The following SGCD variants were observed in gnomAD, a reference collection of about 807,000 sequenced individuals.
SGCD encodes sarcoglycan delta.
SGCD carries 18 observed loss-of-function variants against 36.6 expected under a neutral mutation model. That is an observed-to-expected ratio of 0.49 (90% confidence interval 0.34 to 0.73). SGCD has a LOEUF of 0.73. SGCD is among the 30% of genes least tolerant of loss of function. The pLI, the probability that SGCD is intolerant of heterozygous loss-of-function variation, is 0.01. For synonymous variants in SGCD, 133 were observed against 130.6 expected, an observed-to-expected ratio of 1.02 and a Z score of -0.12; for missense variants, 387 against 346.7, an observed-to-expected ratio of 1.12 and a Z score of -0.92.
At chr5:156,383,643 A>G (rs890169591) in intron 3 of SGCD, among the ~76,000 whole-genome samples, 31 of 152,260 alleles carry the variant, frequency 2.0e-4, no homozygotes, top group African/African-American at 7.0e-4. Context: ...TCTTGCTTAT[A>G]AAAGGGAATT....
rs886060320 is a variant in SGCD, at chr5:156,766,609, G to C, written c.*7219G>C. The C allele has an allele frequency of 1.6e-4, 24 of 148,632 alleles. No individual in the cohort carries two copies. The highest frequency in any genetic ancestry group is 1.6e-3 in the Admixed American group (23 of 14,680). 9.2% of individuals were successfully genotyped at this position (148,632 alleles called of 1,614,324 possible). ...AGATTCAGCAATGAGGTTTGGTGGTGTTTCAACTAGGAAGGGAGAAAATGA... is the reference window on the plus strand; with the variant it reads ...AGATTCAGCAATGAGGTTTGGTGGTCTTTCAACTAGGAAGGGAGAAAATGA... On this transcript the variant is annotated 3_prime_UTR_variant, in exon 9 of 9. Coordinates refer to ENST00000337851, the MANE Select transcript of SGCD (RefSeq NM_000337.6).
intron 7 of SGCD, among the ~76,000 whole-genome samples, chr5:156,692,442 G>A (rs1316457936): frequency 6.6e-6 from 1 of 152,156 alleles, no homozygotes; most frequent in Non-Finnish European, 1.5e-5. Flanking sequence ...GCCAGCTGAA[G>A]ATCTAACTCT....
Position 156,361,194 on chromosome 5 carries a change from G to T in SGCD, c.192+16517G>T, listed in dbSNP as rs150085047. Among the ~76,000 whole-genome samples the T allele has an allele frequency of 7.4e-4, 112 of 152,308 alleles. 1 individual carries two copies. The highest frequency in any genetic ancestry group is 2.6e-3 in the African/African-American group (108 of 41,570). ...CATGCGCTCCCTCCTGCAAGGGGTT[G>T]AGCACAGTGGGCAAGCCAAATAATA... On this transcript the variant is annotated intron_variant, in intron 3 of 8. Coordinates refer to ENST00000337851, the MANE Select transcript of SGCD (RefSeq NM_000337.6).
intron 1 of SGCD, among the ~76,000 whole-genome samples, chr5:155,972,234 A>G (rs1416850015): frequency 6.6e-6 from 1 of 152,194 alleles, no homozygotes; most frequent in Non-Finnish European, 1.5e-5. Context: ...TGTACACTGC[A>G]TAGTGAATTT....
intron 3 of SGCD, among the ~76,000 whole-genome samples, chr5:156,268,813 C>T (rs556783828): frequency 3.3e-5 from 5 of 152,238 alleles, no homozygotes; most frequent in East Asian, 1.9e-4. Context: ...AGGCTGGTCT[C>T]GAACTCCTAA....
At chr5:156,742,776 G>T (rs1009753557) in intron 7 of SGCD, among the ~76,000 whole-genome samples, 37 of 152,254 alleles carry the variant, frequency 2.4e-4, no homozygotes, top group Non-Finnish European at 4.4e-4. Flanking sequence ...CCAATCTGAA[G>T]GCAGAAGACT....
chr5:156,308,368 G>A (rs144137670), intron 3 of SGCD, among the ~76,000 whole-genome samples: 3,274 of 151,430 alleles, frequency 0.022, 41 homozygotes, highest in African/African-American at 0.03. Flanking sequence ...GCGCAATCTC[G>A]GCTCACTGAA....
At chr5:156,672,539 C>T (rs916577663) in intron 7 of SGCD, among the ~76,000 whole-genome samples, 1 of 152,202 alleles carries the variant, frequency 6.6e-6, no homozygotes, top group African/African-American at 2.4e-5. Context: ...TCTGTCTTCA[C>T]CAAACCCACA....
At chr5:156,282,374 A>G (rs891679995) in intron 3 of SGCD, among the ~76,000 whole-genome samples, 1 of 152,178 alleles carries the variant, frequency 6.6e-6, no homozygotes, top group Non-Finnish European at 1.5e-5. Context: ...GGTTGTTTAT[A>G]TTTAGGAGCA....
At chr5:156,521,016 CAAAAAAAAAAAAAA>C (rs3075012) in intron 4 of SGCD, among the ~76,000 whole-genome samples, 6 of 56,728 alleles carry the variant, frequency 1.1e-4, no homozygotes, top group Non-Finnish European at 3.4e-5. Context: ...GACTCCGTCT[CAAAAAAAAAAAAAA>C]AAAAAAAAAA....
chr5:155,728,041 T>C, the SGCD span, among the ~76,000 whole-genome samples: 1 of 151,568 alleles, frequency 6.6e-6, no homozygotes, highest in African/African-American at 2.4e-5. Context: ...CTCCCTCCGC[T>C]CTGCAAAGGG....
chr5:156,734,244 G>A (rs1561884168), intron 7 of SGCD, among the ~76,000 whole-genome samples: 1 of 151,884 alleles, frequency 6.6e-6, no homozygotes. Flanking sequence ...CTGCTGAAAG[G>A]TCTTCTGTTA....
intron 3 of SGCD, among the ~76,000 whole-genome samples, chr5:156,305,949 A>G (rs549525867): frequency 6.6e-6 from 1 of 151,978 alleles, no homozygotes; most frequent in South Asian, 2.1e-4. Context: ...CCCATTTGGA[A>G]TGGCTGTATT....
chr5:156,009,933 G>A (rs915340326), intron 1 of SGCD, among the ~76,000 whole-genome samples: 3 of 152,154 alleles, frequency 2.0e-5, no homozygotes, highest in African/African-American at 7.2e-5. Flanking sequence ...CATCAACATG[G>A]ACCAAAAGGC....
intron 3 of SGCD, among the ~76,000 whole-genome samples, chr5:156,498,567 A>T (rs1472009826): frequency 6.6e-6 from 1 of 152,074 alleles, no homozygotes; most frequent in African/African-American, 2.4e-5. Context: ...ATAATTTTTG[A>T]GGTTTGTCCA....
chr5:156,605,220 G>A (rs1352841670), intron 6 of SGCD, among the ~76,000 whole-genome samples: 1 of 151,874 alleles, frequency 6.6e-6, no homozygotes, highest in Non-Finnish European at 1.5e-5. Flanking sequence ...CCAACAACAG[G>A]CCTCGGTGTG....
intron 1 of SGCD, among the ~76,000 whole-genome samples, chr5:156,072,490 C>G (rs111575147): frequency 4.0e-5 from 6 of 151,764 alleles, no homozygotes; most frequent in Admixed American, 3.9e-4. Flanking sequence ...GAGTTTCTGC[C>G]GAGAGATCCG....
chr5:156,712,977 C>G (rs910843992), intron 7 of SGCD, among the ~76,000 whole-genome samples: 7 of 152,172 alleles, frequency 4.6e-5, no homozygotes, highest in African/African-American at 1.7e-4. Flanking sequence ...TCTAGAGAGA[C>G]AAATGCTTCC....
At chr5:155,738,711 A>T in the SGCD span, among the ~76,000 whole-genome samples, 1 of 126,082 alleles carries the variant, frequency 7.9e-6, no homozygotes, top group African/African-American at 4.2e-5. Flanking sequence ...AGAGTGTGTG[A>T]GTGTGAGAGA....
Sources: allele counts gnomAD v4.1 joint callset (sites outside exome capture counted in the v4.1 genomes callset), GRCh38; gene constraint gnomAD v4.1.1; transcripts MANE v1.5; gene names NCBI Gene and HGNC (gene_info 2026-07-23, HGNC 2026-07-21).